Variants in MRRF observed in about 807,000 individuals in gnomAD.
The protein encoded by MRRF is mitochondrial ribosome recycling factor, also known as ribosome-recycling factor, mitochondrial.
Under a neutral mutation model 25.1 loss-of-function variants are expected in MRRF, and 18 were observed. The ratio of observed to expected loss-of-function variants is 0.72; its 90% CI spans 0.50 to 1.06. The LOEUF is 1.06. Among genes scored for constraint, MRRF ranks in the 50% least tolerant of loss-of-function variants. The pLI, the probability that MRRF is intolerant of heterozygous loss-of-function variation, is 0.00. For missense variants in MRRF, 323 were observed against 319.3 expected, an observed-to-expected ratio of 1.01 and a Z score of -0.09; for synonymous variants, 113 against 112.1, an observed-to-expected ratio of 1.01 and a Z score of -0.05.
intron 5 of MRRF, among the ~76,000 whole-genome samples, chr9:122,307,996 G>A (rs1834963757): frequency 6.6e-6 from 1 of 152,186 alleles, no homozygotes; most frequent in Non-Finnish European, 1.5e-5. Context: ...TCTCTGTTGT[G>A]TGAGTTAGCA....
intron 1 of MRRF, among the ~76,000 whole-genome samples, chr9:122,266,187 G>T (rs1213760836): frequency 2.6e-5 from 4 of 152,248 alleles, no homozygotes; most frequent in Admixed American, 6.5e-5. Flanking sequence ...TCATAGATTA[G>T]TCCTTGTAGT....
chr9:122,280,897 C>T (rs973552706), intron 3 of MRRF, among the ~76,000 whole-genome samples: 11 of 152,164 alleles, frequency 7.2e-5, no homozygotes, highest in African/African-American at 2.7e-4. Context: ...TGTGCTAGTG[C>T]ATAGTAGTAA....
chr9:122,279,259 C>G (rs1334343538), intron 2 of MRRF, among the ~76,000 whole-genome samples: 1 of 152,136 alleles, frequency 6.6e-6, no homozygotes, highest in African/African-American at 2.4e-5. Context: ...TTTTAAAAAT[C>G]ACTCTGTTGC....
At chr9:122,285,902 C>G in intron 4 of MRRF, 2 of 1,295,484 alleles carry the variant, frequency 1.5e-6, no homozygotes, top group Non-Finnish European at 2.0e-6. Flanking sequence ...CTAGACTGAC[C>G]ATTGCAGAAT....
At chr9:122,293,943 A>G (rs1833930308) in intron 5 of MRRF, among the ~76,000 whole-genome samples, 1 of 152,210 alleles carries the variant, frequency 6.6e-6, no homozygotes, top group East Asian at 1.9e-4. Context: ...TTGAAGCCTG[A>G]GTTTTTCTGT....
chr9:122,302,217 G>A (rs1834516502), intron 5 of MRRF, among the ~76,000 whole-genome samples: 1 of 152,176 alleles, frequency 6.6e-6, no homozygotes, highest in African/African-American at 2.4e-5. Context: ...CATTGAAAGT[G>A]TACAACTCAA....
At chr9:122,309,516 A>G (rs1266643726) in intron 5 of MRRF, among the ~76,000 whole-genome samples, 1 of 152,210 alleles carries the variant, frequency 6.6e-6, no homozygotes, top group African/African-American at 2.4e-5. Context: ...CAACTTAAAT[A>G]TCACTTAGCC....
rs910594954 is a variant in MRRF, at chr9:122,328,589, A to G, written c.*5972A>G. 4 of 152,232 alleles carry G rather than the reference A, an allele frequency of 2.6e-5. No individual in the cohort carries two copies. Among genetic ancestry groups the G allele is most frequent in the East Asian group, 1.9e-4 (1 of 5,202 alleles). The allele number at this position is 152,232 out of a possible 1,614,324, so 9.4% of individuals were successfully genotyped here. A position where few individuals can be genotyped will look rare whatever the true frequency, so the allele number is the denominator to read the frequency against. On this transcript the variant is annotated 3_prime_UTR_variant, in exon 7 of 7. Coordinates refer to ENST00000344641, the MANE Select transcript of MRRF (RefSeq NM_138777.5). ...TAAGGCTGAGTAATCTGTTGTATAT[A>G]TGAATAAGTATATATAAAGCTCCTT...
intron 5 of MRRF, among the ~76,000 whole-genome samples, chr9:122,306,815 G>A (rs1220267291): frequency 1.3e-5 from 2 of 152,126 alleles, no homozygotes; most frequent in Non-Finnish European, 2.9e-5. Context: ...CTGTGACCCC[G>A]ACCTTAACCT....
At chr9:122,293,657 C>G (rs1226644898) in intron 5 of MRRF, among the ~76,000 whole-genome samples, 1 of 152,170 alleles carries the variant, frequency 6.6e-6, no homozygotes, top group African/African-American at 2.4e-5. Flanking sequence ...AGTCTTTCTG[C>G]TTGAACCAGA....
At chr9:122,266,335 T>C (rs1832083092) in intron 1 of MRRF, among the ~76,000 whole-genome samples, 1 of 152,200 alleles carries the variant, frequency 6.6e-6, no homozygotes, top group Admixed American at 6.5e-5. Flanking sequence ...AGTTGGGCTG[T>C]AGGAGATGGC....
At chr9:122,291,716 C>A in intron 4 of MRRF, 33 bp from the exon 5 acceptor site, 1 of 1,456,124 alleles carries the variant, frequency 6.9e-7, no homozygotes, top group South Asian at 1.1e-5. Flanking sequence ...TAATTATTTA[C>A]TAATTCTGTT....
chr9:122,283,602 T>A (rs1833211277), intron 3 of MRRF, among the ~76,000 whole-genome samples: 2 of 152,250 alleles, frequency 1.3e-5, no homozygotes, highest in African/African-American at 4.8e-5. Flanking sequence ...CCTTCTGTCT[T>A]ATGATGACAT....
intron 6 of MRRF, among the ~76,000 whole-genome samples, chr9:122,317,545 T>G (rs1429126713): frequency 1.3e-5 from 2 of 152,190 alleles, no homozygotes; most frequent in South Asian, 2.1e-4. Context: ...TTCATTAGAA[T>G]CTACATAGAA....
intron 2 of MRRF, among the ~76,000 whole-genome samples, chr9:122,278,394 A>G (rs2119083387): frequency 6.6e-6 from 1 of 152,274 alleles, no homozygotes; most frequent in Middle Eastern, 3.4e-3. Flanking sequence ...CTTTGCAGAT[A>G]ACTATTATTC....
chr9:122,289,281 C>G (rs1833603201), intron 4 of MRRF, among the ~76,000 whole-genome samples: 1 of 152,196 alleles, frequency 6.6e-6, no homozygotes, highest in South Asian at 2.1e-4. Context: ...TGAACCAGAT[C>G]ACTAATATAT....
chr9:122,296,398 A>G (rs1439089665), intron 5 of MRRF, among the ~76,000 whole-genome samples: 2 of 152,216 alleles, frequency 1.3e-5, no homozygotes, highest in African/African-American at 4.8e-5. Context: ...CCTAAACTAG[A>G]GGTATAATGC....
At chr9:122,266,762 C>T (rs1171213829) in intron 1 of MRRF, among the ~76,000 whole-genome samples, 1 of 152,166 alleles carries the variant, frequency 6.6e-6, no homozygotes, top group Non-Finnish European at 1.5e-5. Flanking sequence ...TTGAGACCCT[C>T]AACTTTGGAA....
At chr9:122,291,160 C>A (rs1365041458) in intron 4 of MRRF, among the ~76,000 whole-genome samples, 1 of 152,148 alleles carries the variant, frequency 6.6e-6, no homozygotes, top group Non-Finnish European at 1.5e-5. Flanking sequence ...GTTACCAGAG[C>A]TGGGATGTGA....
Sources: gnomAD v4.1 joint callset for allele counts (sites outside exome capture counted in the v4.1 genomes callset) on GRCh38, gnomAD v4.1.1 for gene constraint, MANE v1.5 for transcripts, NCBI Gene and HGNC (gene_info 2026-07-23, HGNC 2026-07-21) for gene names.